ZFTRAF1: variants seen among roughly 807,000 people sequenced by gnomAD.
The protein encoded by ZFTRAF1 is zinc finger TRAF-type and ring finger containing 1.
At chr8:144,452,592 C>T in the ZFTRAF1 span, 1 of 1,529,490 alleles carries the variant, frequency 6.5e-7, no homozygotes, top group South Asian at 1.2e-5. Flanking sequence ...AGGTACATCA[C>T]TCACAGACTG....
chr8:144,455,820 T>A, the ZFTRAF1 span: 2 of 152,230 alleles, frequency 1.3e-5, no homozygotes, highest in Non-Finnish European at 2.9e-5. Context: ...GGTGGGGTCC[T>A]AGACCCTCCT....
At chr8:144,461,965 G>A in the ZFTRAF1 span, among the ~76,000 whole-genome samples, 3 of 152,312 alleles carry the variant, frequency 2.0e-5, no homozygotes, top group Admixed American at 1.3e-4. Context: ...AGAGTGTTCA[G>A]GGGACCGTGG....
the ZFTRAF1 span, chr8:144,450,870 G>T: frequency 1.6e-6 from 1 of 606,264 alleles, no homozygotes; most frequent in South Asian, 2.0e-5. Flanking sequence ...CTCAGCCGGG[G>T]AGGAAGGCAA....
the ZFTRAF1 span, chr8:144,462,385 C>G: frequency 2.1e-6 from 1 of 466,632 alleles, no homozygotes; most frequent in South Asian, 3.4e-5. Flanking sequence ...CCGCCGCCGC[C>G]GCCGCCTCGG....
At chr8:144,459,460 C>G in the ZFTRAF1 span, among the ~76,000 whole-genome samples, 6 of 152,272 alleles carry the variant, frequency 3.9e-5, no homozygotes, top group African/African-American at 7.2e-5. Flanking sequence ...AGGCAGGACT[C>G]GGCGGTGGCG....
chr8:144,453,887 C>T, the ZFTRAF1 span: 9 of 184,034 alleles, frequency 4.9e-5, no homozygotes, highest in Non-Finnish European at 9.4e-5. Context: ...AGCTCCCACA[C>T]TGGGGCAGGC....
the ZFTRAF1 span, chr8:144,452,580 G>A: frequency 7.8e-6 from 12 of 1,534,968 alleles, no homozygotes; most frequent in Non-Finnish European, 1.0e-5. Flanking sequence ...CCTGGGGGAG[G>A]CAGGTACATC....
At chr8:144,460,453 A>T in the ZFTRAF1 span, among the ~76,000 whole-genome samples, 1 of 152,252 alleles carries the variant, frequency 6.6e-6, no homozygotes, top group Non-Finnish European at 1.5e-5. Flanking sequence ...ACCAGGGACC[A>T]GTACCATGTG....
chr8:144,453,209 G>A, the ZFTRAF1 span: 3 of 1,548,908 alleles, frequency 1.9e-6, no homozygotes, highest in African/African-American at 1.4e-5. Flanking sequence ...CTAAGCCCCT[G>A]ACCCTCAGTT....
chr8:144,450,269 C>T, the ZFTRAF1 span: 14 of 625,918 alleles, frequency 2.2e-5, no homozygotes, highest in South Asian at 2.1e-4. Flanking sequence ...TTGTTCTCCT[C>T]CTTTGCTAAA....
the ZFTRAF1 span, chr8:144,452,639 A>AT: frequency 7.2e-7 from 1 of 1,396,840 alleles, no homozygotes; most frequent in Non-Finnish European, 9.7e-7. Context: ...CTGTCCTCCC[A>AT]TATGGCTTCC....
the ZFTRAF1 span, chr8:144,457,783 C>T: frequency 6.6e-6 from 1 of 152,282 alleles, no homozygotes; most frequent in African/African-American, 2.4e-5. Flanking sequence ...CCTTGTAGGA[C>T]CCCTTTCACA....
chr8:144,450,356 C>T, the ZFTRAF1 span: 1 of 706,988 alleles, frequency 1.4e-6, no homozygotes, highest in Non-Finnish European at 2.6e-6. Context: ...CCGTGGGCTC[C>T]TCGGACATCC....
the ZFTRAF1 span, chr8:144,457,551 T>G: frequency 6.6e-5 from 10 of 151,948 alleles, no homozygotes; most frequent in Non-Finnish European, 1.3e-4. Flanking sequence ...AAATGGCCAT[T>G]TGCACCTGCA....
the ZFTRAF1 span, among the ~76,000 whole-genome samples, chr8:144,458,218 T>C: frequency 1.3e-5 from 2 of 152,240 alleles, no homozygotes; most frequent in Non-Finnish European, 2.9e-5. Flanking sequence ...CCTCACCTGC[T>C]ACTGCTGTCA....
chr8:144,455,325 A>G, the ZFTRAF1 span: 1 of 152,244 alleles, frequency 6.6e-6, no homozygotes, highest in East Asian at 1.9e-4. Context: ...ATGAATACAT[A>G]AATAAATAAA....
the ZFTRAF1 span, among the ~76,000 whole-genome samples, chr8:144,452,913 C>A: frequency 6.6e-6 from 1 of 152,258 alleles, no homozygotes; most frequent in South Asian, 2.1e-4. Context: ...GCAGTGTACC[C>A]TCACACCAAG....
At chr8:144,450,303 A>G in the ZFTRAF1 span, 1 of 665,034 alleles carries the variant, frequency 1.5e-6, no homozygotes, top group East Asian at 2.7e-5. Context: ...CCTGTGAAGC[A>G]GCTGCCAGCC....
the ZFTRAF1 span, among the ~76,000 whole-genome samples, chr8:144,458,895 TGA>T: frequency 6.6e-6 from 1 of 152,140 alleles, no homozygotes; most frequent in Non-Finnish European, 1.5e-5. Flanking sequence ...ACCACATCTG[TGA>T]GAGGCCCCTG....
Sources: allele counts gnomAD v4.1 joint callset (sites outside exome capture counted in the v4.1 genomes callset), GRCh38; gene constraint gnomAD v4.1.1; transcripts MANE v1.5; gene names NCBI Gene and HGNC (gene_info 2026-07-23, HGNC 2026-07-21).